MGAT4C: variants seen among roughly 807,000 people sequenced by gnomAD.
MGAT4C encodes the protein MGAT4 family member C, also known as alpha-1,3-mannosyl-glycoprotein 4-beta-N-acetylglucosaminyltransferase C.
In MGAT4C, 19 loss-of-function variants were observed where a neutral mutation model predicts 40.1. That is an observed-to-expected ratio of 0.47 (90% CI 0.33 to 0.70). The LOEUF (loss-of-function observed/expected upper bound fraction) is 0.70. Ranked by LOEUF, MGAT4C falls within the 30% of genes least tolerant of loss-of-function variation. The pLI, the probability that MGAT4C is intolerant of heterozygous loss-of-function variation, is 0.02. For synonymous variants in MGAT4C, 181 were observed against 187.1 expected (o/e 0.97, Z 0.27); for missense variants, 491 against 563.2 (o/e 0.87, Z 1.30).
intron 1 of MGAT4C, among the ~76,000 whole-genome samples, chr12:86,741,695 CAAG>C (rs1951072321): frequency 6.6e-6 from 1 of 151,328 alleles, no homozygotes; most frequent in South Asian, 2.1e-4. Context: ...AAATTTCATG[CAAG>C]AATAGTTTTG....
At chr12:86,695,067 A>G (rs1950231961) in intron 2 of MGAT4C, among the ~76,000 whole-genome samples, 1 of 152,232 alleles carries the variant, frequency 6.6e-6, no homozygotes, top group African/African-American at 2.4e-5. Context: ...AAGCAACTCT[A>G]CAGGAAAAAA....
intron 2 of MGAT4C, among the ~76,000 whole-genome samples, chr12:86,694,182 A>C (rs2136602781): frequency 6.6e-6 from 1 of 152,222 alleles, no homozygotes; most frequent in African/African-American, 2.4e-5. Flanking sequence ...CTTAACTCAA[A>C]TATTTCAGAT....
chr12:86,564,974 G>T lies in MGAT4C; in HGVS notation c.-228-129709C>A, dbSNP rs796818315. 7.2e-5 allele frequency among the ~76,000 whole-genome samples: 11 copies of T among 152,256 alleles called. 1 individual carries two copies. The highest frequency in any genetic ancestry group is 2.4e-4 in the African/African-American group (10 of 41,552). ...TAGCCTTTGGCAGGCCCCCATAGGT[G>T]AATTACAGCAGAGGCCTCTGGGATT... On this transcript the variant is annotated intron_variant, in intron 2 of 7. Transcript: ENST00000548651.
chr12:86,406,051 A>T (rs1956466443), intron 3 of MGAT4C, among the ~76,000 whole-genome samples: 1 of 145,422 alleles, frequency 6.9e-6, no homozygotes, highest in Non-Finnish European at 1.5e-5. Context: ...TATAATTATT[A>T]TATATATACA....
intron 1 of MGAT4C, among the ~76,000 whole-genome samples, chr12:86,730,075 T>C (rs576054919): frequency 6.6e-6 from 1 of 152,064 alleles, no homozygotes; most frequent in Non-Finnish European, 1.5e-5. Flanking sequence ...ACAGCATAGA[T>C]TTTTCATCTT....
chr12:86,027,976 T>G, intron 2 of MGAT4C: 4 of 329,096 alleles, frequency 1.2e-5, no homozygotes, highest in Middle Eastern at 4.0e-4. Flanking sequence ...TAATATTGTA[T>G]TTTATACATT....
chr12:86,703,198 A>G (rs991600749), intron 2 of MGAT4C, among the ~76,000 whole-genome samples: 2 of 152,168 alleles, frequency 1.3e-5, no homozygotes, highest in African/African-American at 4.8e-5. Flanking sequence ...TTTTGAGATG[A>G]AACAAACTGC....
At chr12:86,388,641 T>C (rs1276890710) in intron 3 of MGAT4C, among the ~76,000 whole-genome samples, 1 of 151,086 alleles carries the variant, frequency 6.6e-6, no homozygotes, top group Admixed American at 6.6e-5. Flanking sequence ...TGCCTATCAA[T>C]GACACTTGAT....
chr12:86,488,962 T>G (rs1958077259), intron 2 of MGAT4C, among the ~76,000 whole-genome samples: 1 of 152,070 alleles, frequency 6.6e-6, no homozygotes, highest in Non-Finnish European at 1.5e-5. Context: ...GCCAAAAAAC[T>G]TGAAATCTGT....
chr12:86,653,779 C>T (rs1963765872), intron 2 of MGAT4C, among the ~76,000 whole-genome samples: 1 of 150,130 alleles, frequency 6.7e-6, no homozygotes, highest in Non-Finnish European at 1.5e-5. Context: ...TATATATATG[C>T]ATAAAACTTA....
chr12:86,422,439 C>T (rs571744010), intron 3 of MGAT4C, among the ~76,000 whole-genome samples: 7 of 152,246 alleles, frequency 4.6e-5, no homozygotes, highest in African/African-American at 1.7e-4. Flanking sequence ...AACAGTCATG[C>T]ATTTGGAAAA....
Position 86,506,687 on chromosome 12 carries a change from A to G in MGAT4C, c.-228-71422T>C, listed in dbSNP as rs546993771. 8.5e-5 allele frequency among the ~76,000 whole-genome samples: 13 copies of G among 152,310 alleles called. No homozygotes were observed. The East Asian group carries it at 2.5e-3, about 29-fold the overall frequency. On this transcript the variant is annotated intron_variant, in intron 2 of 7. Coordinates refer to the MGAT4C transcript ENST00000548651. ...CTTCCAATAGCTTAACCACATAGAT[A>G]TATCTGATTTTTGTGGATCAAGAAA...
intron 2 of MGAT4C, among the ~76,000 whole-genome samples, chr12:86,704,983 C>G (rs376285664): frequency 5.3e-4 from 80 of 152,160 alleles, no homozygotes; most frequent in Middle Eastern, 3.4e-3. Flanking sequence ...ATCTTTGTAG[C>G]CTTTTCTTGG....
chr12:86,149,911 C>T (rs1201286936), intron 1 of MGAT4C, among the ~76,000 whole-genome samples: 2 of 152,106 alleles, frequency 1.3e-5, no homozygotes, highest in East Asian at 3.9e-4. Context: ...ACTCAAATTT[C>T]TTTCTTGAAT....
chr12:86,012,241 A>AT (rs925809156), intron 2 of MGAT4C, among the ~76,000 whole-genome samples: 8 of 152,164 alleles, frequency 5.3e-5, no homozygotes, highest in Admixed American at 1.3e-4. Flanking sequence ...TCCTGAGCAT[A>AT]TTTTTTTACT....
intron 1 of MGAT4C, among the ~76,000 whole-genome samples, chr12:86,796,924 A>G (rs1177168319): frequency 2.0e-5 from 3 of 151,920 alleles, no homozygotes; most frequent in Non-Finnish European, 4.4e-5. Flanking sequence ...CTGTCCATTA[A>G]AAATATTTGA....
In MGAT4C at chr12:86,659,044, AT is replaced by A. The variant is rs539750478; in HGVS notation, c.-229+68164del. 1.1e-4 allele frequency among the ~76,000 whole-genome samples: 17 copies of A among 152,152 alleles called. 1 individual carries two copies. In the South Asian group the frequency reaches 2.9e-3, roughly 26 times the overall value. On this transcript the variant is annotated intron_variant, in intron 2 of 7. Transcript: ENST00000548651. ...TAATATTAGCAATAATTAAATGTTT[AT>A]TGTCTTAAACTTCTGAGATTTGGGG...
chr12:86,707,422 G>A (rs1950478211), intron 2 of MGAT4C, among the ~76,000 whole-genome samples: 2 of 152,020 alleles, frequency 1.3e-5, no homozygotes, highest in African/African-American at 4.8e-5. Context: ...TTCTAGTTAT[G>A]TTTTAGAAAA....
intron 2 of MGAT4C, among the ~76,000 whole-genome samples, chr12:86,545,671 A>G (rs1196828262): frequency 3.9e-5 from 6 of 151,982 alleles, no homozygotes; most frequent in Admixed American, 3.9e-4. Context: ...ATAAAATAAA[A>G]TAAGCCTTTA....
Sources: allele counts gnomAD v4.1 joint callset (sites outside exome capture counted in the v4.1 genomes callset), GRCh38; gene constraint gnomAD v4.1.1; transcripts MANE v1.5; gene names NCBI Gene and HGNC (gene_info 2026-07-23, HGNC 2026-07-21).